Variants in ERBB4 observed in about 807,000 individuals in gnomAD.
ERBB4 encodes receptor tyrosine-protein kinase erbB-4.
ERBB4 carries 42 observed loss-of-function variants against 158.0 expected under a neutral mutation model. The observed-to-expected ratio is 0.27, with a 90% CI of 0.21 to 0.34. The LOEUF (loss-of-function observed/expected upper bound fraction) is 0.34, where lower values mean the gene tolerates loss of function less well. Ranked by LOEUF, ERBB4 falls within the 10% of genes least tolerant of loss-of-function variation. The pLI is 1.00. For missense variants in ERBB4, 1,333 were observed against 1,624.1 expected, an observed-to-expected ratio of 0.82 and a Z score of 3.08; for synonymous variants, 583 against 558.7, an observed-to-expected ratio of 1.04 and a Z score of -0.61.
chr2:212,376,079 C>T (rs2090310378), intron 1 of ERBB4, among the ~76,000 whole-genome samples: 1 of 152,060 alleles, frequency 6.6e-6, no homozygotes, highest in Admixed American at 6.6e-5. Flanking sequence ...CAACAGCCAA[C>T]ATCACAGTCA....
chr2:212,014,015 T>C (rs2076451926), intron 2 of ERBB4, among the ~76,000 whole-genome samples: 1 of 152,226 alleles, frequency 6.6e-6, no homozygotes, highest in Non-Finnish European at 1.5e-5. Context: ...ATTTTCTTCA[T>C]TTCTGTGTAG....
chr2:211,489,676 T>C (rs1234181202), intron 20 of ERBB4, among the ~76,000 whole-genome samples: 1 of 151,956 alleles, frequency 6.6e-6, no homozygotes, highest in Non-Finnish European at 1.5e-5. Context: ...TAAAAGTGAA[T>C]ATGAAGGTAT....
chr2:212,370,031 T>C (rs1296260343), intron 1 of ERBB4, among the ~76,000 whole-genome samples: 1 of 152,114 alleles, frequency 6.6e-6, no homozygotes, highest in African/African-American at 2.4e-5. Context: ...GAATTGGTGA[T>C]TAGCTGATTG....
chr2:212,410,795 G>A (rs569540485), intron 1 of ERBB4, among the ~76,000 whole-genome samples: 47 of 152,116 alleles, frequency 3.1e-4, no homozygotes, highest in Non-Finnish European at 6.3e-4. Flanking sequence ...AACTGCTTTT[G>A]TATTGACTAT....
intron 1 of ERBB4, among the ~76,000 whole-genome samples, chr2:212,271,280 T>C (rs2085334506): frequency 6.6e-6 from 1 of 151,772 alleles, no homozygotes; most frequent in African/African-American, 2.4e-5. Context: ...TGATTGCTAA[T>C]AATAAGGCTC....
chr2:211,428,612 AT>A (rs2063685497), intron 21 of ERBB4, 129 bp from the exon 22 acceptor site: 1 of 496,628 alleles, frequency 2.0e-6, no homozygotes, highest in East Asian at 3.3e-5. Context: ...AGATATAACT[AT>A]AACTATAAAT....
rs1341691526 is a variant in ERBB4 at position 211,722,427 on chromosome 2, G to A, written c.849C>T (p.Tyr283=). The change falls in exon 7 of 28, where the codon TAC becomes TAT. Residue 283 remains tyrosine (Y), a synonymous_variant. Transcript: ENST00000342788. ...TCTTGACACAGAATGCTCCATATGT[G>A]TACTTTGCATTGAAATTGTGCTCCA... ...FQLEHNFNAK[Y]TYGAFCVKKC... The A allele has an allele frequency of 1.2e-6, 2 of 1,613,736 alleles. No homozygotes were observed. Among genetic ancestry groups the A allele is most frequent in the South Asian group, 1.1e-5 (1 of 91,074 alleles).
At chr2:212,049,361 AT>A (rs1204848001) in intron 2 of ERBB4, among the ~76,000 whole-genome samples, 1 of 151,904 alleles carries the variant, frequency 6.6e-6, no homozygotes, top group African/African-American at 2.4e-5. Context: ...TTTTAAATTA[AT>A]TTTCATAGTT....
Position 211,750,675 on chromosome 2 carries a change from G to A in ERBB4, c.586C>T (p.Arg196Cys), listed in dbSNP as rs769311799. The A allele has an allele frequency of 4.3e-6, 7 of 1,613,878 alleles. No individual in the cohort carries two copies. Among genetic ancestry groups the A allele is most frequent in the African/African-American group, 1.3e-5 (1 of 74,980 alleles). Residue 196 changes from arginine (R) to cysteine (C), a missense_variant, in exon 5 of 28, where the codon CGT (arginine) becomes TGT (cysteine). Around this residue, in one of 5 missense-constraint regions of ERBB4, gnomAD observed 438 missense variants for 586.9 expected, o/e 0.75. Coordinates refer to ENST00000342788, the MANE Select transcript of ERBB4 (RefSeq NM_005235.3). ...CGRCHKSCTG[R>C]CWGPTENHCQ... ...TGATTTTCTGTGGGTCCCCAGCAACGGCCAGTACAGGACTTATGGCAACGT... is the reference window on the plus strand; with the variant it reads ...TGATTTTCTGTGGGTCCCCAGCAACAGCCAGTACAGGACTTATGGCAACGT...
At chr2:211,907,792 T>C (rs73077349) in intron 3 of ERBB4, among the ~76,000 whole-genome samples, 3,898 of 151,782 alleles carry the variant, frequency 0.026, 175 homozygotes, top group African/African-American at 0.088. Flanking sequence ...CAACTCTCCA[T>C]AGTGTTATAG....
intron 1 of ERBB4, among the ~76,000 whole-genome samples, chr2:212,486,519 C>T (rs1438561584): frequency 6.6e-6 from 1 of 152,176 alleles, no homozygotes; most frequent in Non-Finnish European, 1.5e-5. Context: ...TTGCCCCACA[C>T]TTCAGGGACT....
chr2:211,711,965 G>T, intron 9 of ERBB4, 85 bp downstream of exon 9: 1 of 1,188,368 alleles, frequency 8.4e-7, no homozygotes, highest in Non-Finnish European at 1.2e-6. Context: ...TCAGCTTCCA[G>T]AGGAATCAAA....
At chr2:211,804,345 G>T (rs1322809313) in intron 3 of ERBB4, among the ~76,000 whole-genome samples, 1 of 152,198 alleles carries the variant, frequency 6.6e-6, no homozygotes, top group Non-Finnish European at 1.5e-5. Flanking sequence ...ACTCAGGTGA[G>T]ACTATATACT....
At chr2:211,759,673 G>C (rs1429234989) in intron 4 of ERBB4, among the ~76,000 whole-genome samples, 1 of 152,018 alleles carries the variant, frequency 6.6e-6, no homozygotes, top group Non-Finnish European at 1.5e-5. Context: ...CATTTAAATA[G>C]CAAACATTCC....
In ERBB4 at chr2:211,574,436, T is replaced by C. The variant is rs1187917737; in HGVS notation, c.2302-12348A>G. On this transcript the variant is annotated intron_variant, in intron 19 of 27. Coordinates refer to ENST00000342788, the MANE Select transcript of ERBB4 (RefSeq NM_005235.3). ...TCACAATAACACTAATAATAATCAA[T>C]AACAATATGGAACAAGTAGATAATA... 2.0e-5 allele frequency among the ~76,000 whole-genome samples: 3 copies of C among 152,192 alleles called. No individual in the cohort carries two copies. The East Asian group carries it at 5.8e-4, about 29-fold the overall frequency.
At chr2:211,699,517 TC>T (rs1204519012) in intron 12 of ERBB4, among the ~76,000 whole-genome samples, 1 of 152,138 alleles carries the variant, frequency 6.6e-6, no homozygotes, top group Non-Finnish European at 1.5e-5. Context: ...TTTTTATGGA[TC>T]CGGTGTGCTG....
At chr2:211,619,305 G>C (rs2125847763) in intron 18 of ERBB4, 30 bp from the exon 19 acceptor site, 1 of 1,218,472 alleles carries the variant, frequency 8.2e-7, no homozygotes, top group Non-Finnish European at 1.2e-6. Flanking sequence ...CATTAAATAT[G>C]ACATCTCAAC....
intron 1 of ERBB4, among the ~76,000 whole-genome samples, chr2:212,478,147 G>T (rs1424623168): frequency 6.6e-6 from 1 of 152,018 alleles, no homozygotes; most frequent in African/African-American, 2.4e-5. Context: ...GAAAAATTTT[G>T]TCCAAACACA....
chr2:211,649,212 A>G (rs2070892146), intron 16 of ERBB4, among the ~76,000 whole-genome samples: 1 of 151,856 alleles, frequency 6.6e-6, no homozygotes, highest in Non-Finnish European at 1.5e-5. Flanking sequence ...AAAGACATTG[A>G]GCGATTTTTT....
Sources: gnomAD v4.1 joint callset for allele counts (sites outside exome capture counted in the v4.1 genomes callset) on GRCh38, gnomAD v4.1.1 for gene constraint, gnomAD v4.1.1 regional missense constraint, MANE v1.5 for transcripts, NCBI Gene and HGNC (gene_info 2026-07-23, HGNC 2026-07-21) for gene names.